MTHFD1L: variants seen among roughly 807,000 people sequenced by gnomAD.
MTHFD1L encodes the protein monofunctional C1-tetrahydrofolate synthase, mitochondrial.
MTHFD1L carries 81 observed loss-of-function variants against 119.5 expected under a neutral mutation model. The ratio of observed to expected loss-of-function variants is 0.68; its 90% CI spans 0.57 to 0.82. The LOEUF is 0.82. Among genes scored for constraint, MTHFD1L ranks in the 40% least tolerant of loss-of-function variants. MTHFD1L has a pLI of 0.00. For synonymous variants in MTHFD1L, 430 were observed against 475.2 expected, an observed-to-expected ratio of 0.90 and a Z score of 1.24; for missense variants, 1,125 against 1,253.4, an observed-to-expected ratio of 0.90 and a Z score of 1.55.
intron 19 of MTHFD1L, among the ~76,000 whole-genome samples, chr6:150,969,022 T>C (rs1797650062): frequency 6.6e-6 from 1 of 151,836 alleles, no homozygotes; most frequent in Non-Finnish European, 1.5e-5. Context: ...CTAATTTTTG[T>C]ATTTTTAGTA....
chr6:151,013,363 G>T (rs1430223353), intron 21 of MTHFD1L, among the ~76,000 whole-genome samples: 1 of 152,196 alleles, frequency 6.6e-6, no homozygotes, highest in Non-Finnish European at 1.5e-5. Flanking sequence ...CTGGACAACA[G>T]AACTTTATGG....
intron 16 of MTHFD1L, among the ~76,000 whole-genome samples, chr6:150,949,456 C>A (rs1794537382): frequency 6.6e-6 from 1 of 151,868 alleles, no homozygotes; most frequent in Admixed American, 6.6e-5. Flanking sequence ...AAAAAAGAAA[C>A]TTTTTTTAAA....
intron 17 of MTHFD1L, chr6:150,959,296 C>A: frequency 1.4e-6 from 1 of 694,734 alleles, no homozygotes; most frequent in Non-Finnish European, 1.8e-6. Flanking sequence ...CCCACCAGGG[C>A]ACAGCCATTC....
chr6:150,931,268 C>CTTTTTTTTTTTTTTTTTT (rs370763551), intron 11 of MTHFD1L, among the ~76,000 whole-genome samples: 2 of 123,716 alleles, frequency 1.6e-5, no homozygotes, highest in Non-Finnish European at 3.4e-5. Flanking sequence ...ATCATTTCAT[C>CTTTTTTTTTTTTTTTTTT]TTTTTTTTTT....
At position 150,885,616 on chromosome 6, in the gene MTHFD1L, C is replaced by A. The variant is rs373791530; in HGVS notation, c.543-18C>A. ...GGCTGGGCTTTGACTTAACCTACTT[C>A]TTTATTTTCTGATTCAGAGTAACAG... On this transcript the variant is annotated intron_variant, in intron 5 of 27. Coordinates refer to ENST00000367321, the MANE Select transcript of MTHFD1L (RefSeq NM_015440.5). The A allele has an allele frequency of 6.2e-7, 1 of 1,605,586 alleles. No individual in the cohort carries two copies. Among genetic ancestry groups the A allele is most frequent in the African/African-American group, 1.3e-5 (1 of 74,726 alleles).
intron 16 of MTHFD1L, among the ~76,000 whole-genome samples, chr6:150,952,994 C>G: frequency 6.6e-6 from 1 of 152,150 alleles, no homozygotes; most frequent in East Asian, 1.9e-4. Context: ...ACAGATGAGC[C>G]TCTGCCTGTC....
chr6:150,935,676 A>C, intron 11 of MTHFD1L: 1 of 754,314 alleles, frequency 1.3e-6, no homozygotes, highest in South Asian at 2.2e-5. Context: ...GGATGCTATT[A>C]AAGCTTTGTT....
chr6:150,877,556 A>T, intron 2 of MTHFD1L, 78 bp from the exon 3 acceptor site: 1 of 1,497,738 alleles, frequency 6.7e-7, no homozygotes, highest in Non-Finnish European at 9.2e-7. Flanking sequence ...ATCTGTAATC[A>T]CAAAATTCAT....
chr6:151,008,924 C>G (rs1415799883), intron 20 of MTHFD1L, among the ~76,000 whole-genome samples: 1 of 151,140 alleles, frequency 6.6e-6, no homozygotes, highest in Non-Finnish European at 1.5e-5. Flanking sequence ...TGAGACCAGC[C>G]TGGCCAACAT....
intron 26 of MTHFD1L, among the ~76,000 whole-genome samples, chr6:151,048,430 C>T (rs931361032): frequency 2.6e-5 from 4 of 152,178 alleles, no homozygotes; most frequent in African/African-American, 9.7e-5. Flanking sequence ...CTTCAGTTCT[C>T]TTGGCCTTCC....
At chr6:150,984,863 A>G (rs1232211186) in intron 20 of MTHFD1L, among the ~76,000 whole-genome samples, 2 of 152,184 alleles carry the variant, frequency 1.3e-5, no homozygotes, top group Non-Finnish European at 2.9e-5. Flanking sequence ...ATTTTCCGCT[A>G]TAATACAATG....
intron 24 of MTHFD1L, among the ~76,000 whole-genome samples, chr6:151,033,884 A>G (rs189297994): frequency 1.8e-4 from 27 of 152,298 alleles, no homozygotes; most frequent in Middle Eastern, 3.4e-3. Context: ...TTTGAAAATT[A>G]TAGTAAACAG....
At chr6:151,025,223 G>A (rs183102300) in intron 24 of MTHFD1L, among the ~76,000 whole-genome samples, 3 of 152,304 alleles carry the variant, frequency 2.0e-5, no homozygotes, top group Admixed American at 6.5e-5. Flanking sequence ...CTCAGGGCCC[G>A]CGAGCCCACA....
In MTHFD1L at chr6:151,022,145, A is replaced by G. The variant is rs1463963013; in HGVS notation, c.2586+6452A>G. Reference sequence around the variant, plus strand: ...TGAACTTCACGCTCTCACTGCCCAGATGGCCAGGGGTGTTTCCTCCTCTGC... The same window carrying G: ...TGAACTTCACGCTCTCACTGCCCAGGTGGCCAGGGGTGTTTCCTCCTCTGC... On this transcript the variant is annotated intron_variant, in intron 24 of 27. Coordinates refer to ENST00000367321, the MANE Select transcript of MTHFD1L (RefSeq NM_015440.5). 10 of 456,732 alleles carry G rather than the reference A, an allele frequency of 2.2e-5. No homozygotes were observed. In the Admixed American group the frequency reaches 2.4e-4, roughly 11 times the overall value. 28.3% of individuals were successfully genotyped at this position (456,732 alleles called of 1,614,324 possible).
chr6:151,007,786 G>A (rs117648688), intron 20 of MTHFD1L, among the ~76,000 whole-genome samples: 1 of 152,272 alleles, frequency 6.6e-6, no homozygotes, highest in East Asian at 1.9e-4. Flanking sequence ...ACTGAGGTAA[G>A]GATTGTTACT....
At chr6:151,057,060 G>A (rs1416896924) in intron 26 of MTHFD1L, among the ~76,000 whole-genome samples, 1 of 152,156 alleles carries the variant, frequency 6.6e-6, no homozygotes, top group Non-Finnish European at 1.5e-5. Context: ...ATATCCTGGG[G>A]CTGGGGCTGA....
chr6:151,050,843 C>T (rs1467356147), intron 26 of MTHFD1L, among the ~76,000 whole-genome samples: 1 of 152,056 alleles, frequency 6.6e-6, no homozygotes, highest in Non-Finnish European at 1.5e-5. Context: ...TTATGTGTGC[C>T]AGTTTATTAT....
intron 7 of MTHFD1L, among the ~76,000 whole-genome samples, chr6:150,890,180 A>G (rs955509308): frequency 2.0e-5 from 3 of 150,712 alleles, no homozygotes; most frequent in African/African-American, 7.3e-5. Flanking sequence ...TAAAAAGTGT[A>G]TATATATGTG....
At chr6:151,018,534 G>A (rs1280016470) in intron 24 of MTHFD1L, among the ~76,000 whole-genome samples, 1 of 152,176 alleles carries the variant, frequency 6.6e-6, no homozygotes, top group South Asian at 2.1e-4. Context: ...ACTAAAGCAC[G>A]AAGAGACTAA....
Sources: allele counts gnomAD v4.1 joint callset (sites outside exome capture counted in the v4.1 genomes callset), GRCh38; gene constraint gnomAD v4.1.1; transcripts MANE v1.5; gene names NCBI Gene and HGNC (gene_info 2026-07-23, HGNC 2026-07-21).